Variants in DENND1B observed in about 807,000 individuals in gnomAD.
DENND1B encodes the protein DENN domain containing 1B.
In DENND1B, 59 loss-of-function variants were observed where a neutral mutation model predicts 90.1. The ratio of observed to expected loss-of-function variants is 0.65; its 90% confidence interval spans 0.53 to 0.81. The LOEUF is 0.81. Ranked by LOEUF, DENND1B falls within the 40% of genes least tolerant of loss-of-function variation. The probability of loss-of-function intolerance (pLI) is 0.00; values close to 1 mark genes in which losing one functional copy is unlikely to be tolerated. For missense variants in DENND1B, 862 were observed against 912.6 expected (o/e 0.94, Z 0.71); for synonymous variants, 337 against 324.6 (o/e 1.04, Z -0.41).
chr1:197,535,383 C>T (rs186302097), intron 20 of DENND1B, among the ~76,000 whole-genome samples: 189 of 152,242 alleles, frequency 1.2e-3, no homozygotes, highest in African/African-American at 4.5e-3. Flanking sequence ...ACAGTTAGTA[C>T]CAAACCCTAT....
chr1:197,595,240 C>A lies in DENND1B; in HGVS notation c.1015G>T (p.Gly339Ter). The change falls in exon 14 of 23, where the codon GGA (glycine) becomes TGA (stop). Residue 339 changes from glycine (G) to a stop codon, truncating the protein, a stop_gained. Transcript: ENST00000620048. LOFTEE classifies it high-confidence loss of function. ...AFLRAQAALF[G>*]SYRDALRYKP... The stretch of plus-strand genomic sequence containing the variant: ...TATCTCAGTGCATCTCTGTAGGATC[C>A]AAACAAAGCAGCCTGTGCTCTAAGA... 6.2e-7 allele frequency: 1 copy of A among 1,613,174 alleles called. No individual in the cohort carries two copies. Among genetic ancestry groups the A allele is most frequent in the Non-Finnish European group, 8.5e-7 (1 of 1,179,392 alleles).
chr1:197,642,962 T>C, intron 9 of DENND1B, 141 bp from the exon 10 acceptor site: 1 of 573,476 alleles, frequency 1.7e-6, no homozygotes, highest in Non-Finnish European at 3.1e-6. Flanking sequence ...TTAAGTGTAA[T>C]ACTAGTCGGC....
At chr1:197,531,051 T>C (rs1313546250) in intron 20 of DENND1B, among the ~76,000 whole-genome samples, 2 of 152,214 alleles carry the variant, frequency 1.3e-5, no homozygotes, top group Non-Finnish European at 2.9e-5. Flanking sequence ...CTGCTATTTA[T>C]TACTTGTAGA....
At chr1:197,652,780 AT>A (rs1001759405) in intron 6 of DENND1B, among the ~76,000 whole-genome samples, 9 of 152,100 alleles carry the variant, frequency 5.9e-5, no homozygotes, top group African/African-American at 1.9e-4. Context: ...TGTAGAGGTT[AT>A]TCTAAATATT....
At chr1:197,636,842 TG>T (rs1260811325) in intron 10 of DENND1B, among the ~76,000 whole-genome samples, 1 of 151,870 alleles carries the variant, frequency 6.6e-6, no homozygotes, top group Non-Finnish European at 1.5e-5. Flanking sequence ...AGGATGTAGG[TG>T]GGGAAAACAG....
At chr1:197,701,986 G>A (rs930587915) in intron 3 of DENND1B, among the ~76,000 whole-genome samples, 3 of 152,020 alleles carry the variant, frequency 2.0e-5, no homozygotes, top group African/African-American at 7.2e-5. Flanking sequence ...TTGTGAGACC[G>A]TATGTCTATA....
intron 16 of DENND1B, among the ~76,000 whole-genome samples, chr1:197,548,857 AAAG>A (rs1416836470): frequency 1.3e-5 from 2 of 152,166 alleles, no homozygotes; most frequent in African/African-American, 4.8e-5. Flanking sequence ...GTATAGGGGC[AAAG>A]AAGAAGTCCC....
intron 15 of DENND1B, among the ~76,000 whole-genome samples, chr1:197,566,992 C>A (rs188025709): frequency 1.3e-5 from 2 of 151,868 alleles, no homozygotes; most frequent in Admixed American, 1.3e-4. Context: ...TAAATAAAGA[C>A]AGAAATAGTG....
intron 2 of DENND1B, among the ~76,000 whole-genome samples, chr1:197,719,624 C>G (rs1660970219): frequency 6.6e-6 from 1 of 152,130 alleles, no homozygotes; most frequent in Admixed American, 6.5e-5. Context: ...AGGCAGAGTT[C>G]TCAATATAGG....
chr1:197,625,007 T>C (rs975876092), intron 10 of DENND1B, among the ~76,000 whole-genome samples: 2 of 151,870 alleles, frequency 1.3e-5, no homozygotes, highest in African/African-American at 4.8e-5. Flanking sequence ...CCAAGAAATA[T>C]GGGACTATGT....
intron 3 of DENND1B, among the ~76,000 whole-genome samples, chr1:197,707,729 G>T (rs1418113455): frequency 6.7e-6 from 1 of 148,472 alleles, no homozygotes; most frequent in Non-Finnish European, 1.5e-5. Flanking sequence ...GAGGAGCCAA[G>T]ATGGCCGAAT....
chr1:197,512,539 A>G (rs1240294499), intron 21 of DENND1B, among the ~76,000 whole-genome samples: 2 of 151,610 alleles, frequency 1.3e-5, no homozygotes, highest in Admixed American at 6.6e-5. Context: ...TCTATTGACT[A>G]TTATCACCAT....
intron 10 of DENND1B, among the ~76,000 whole-genome samples, chr1:197,634,101 C>T (rs1269250914): frequency 1.3e-5 from 2 of 152,194 alleles, no homozygotes; most frequent in South Asian, 2.1e-4. Flanking sequence ...GTGCCCTCTC[C>T]ATTGGAGTCT....
chr1:197,553,847 G>A (rs1239645822), intron 15 of DENND1B, among the ~76,000 whole-genome samples: 2 of 151,994 alleles, frequency 1.3e-5, no homozygotes, highest in African/African-American at 4.8e-5. Flanking sequence ...GGTTATTTTA[G>A]GCAATATTTT....
intron 15 of DENND1B, among the ~76,000 whole-genome samples, chr1:197,560,037 T>C (rs755567773): frequency 2.6e-5 from 4 of 151,914 alleles, no homozygotes; most frequent in Non-Finnish European, 5.9e-5. Context: ...CATGGTATCA[T>C]GAACAGGAAA....
Position 197,546,750 on chromosome 1 carries a change from A to G in DENND1B, c.1264T>C (p.Trp422Arg), listed in dbSNP as rs1469959600. ...CGGNPRSYQQWVHTVKKGGAL... is the reference protein window; with the variant it reads ...CGGNPRSYQQRVHTVKKGGAL... ...ATGATTACCTTGACTGTATGCACCC[A>G]TTGTTGATATGACCTCGGGTTCCCT... The change falls in exon 17 of 23, where the codon TGG becomes CGG. Residue 422 changes from tryptophan to arginine, a missense_variant. Physicochemically the swap from Trp to Arg is moderately radical, Grantham distance 101. Coordinates refer to ENST00000620048, the MANE Select transcript of DENND1B (RefSeq NM_001195215.2). 1 of 1,546,974 alleles carries G rather than the reference A, an allele frequency of 6.5e-7. No individual in the cohort carries two copies. Among genetic ancestry groups the G allele is most frequent in the South Asian group, 1.2e-5 (1 of 82,422 alleles).
At chr1:197,590,753 T>A (rs1675126562) in intron 14 of DENND1B, among the ~76,000 whole-genome samples, 1 of 152,184 alleles carries the variant, frequency 6.6e-6, no homozygotes, top group Non-Finnish European at 1.5e-5. Flanking sequence ...CCACATCCAC[T>A]GGTTCCCCAG....
intron 3 of DENND1B, among the ~76,000 whole-genome samples, chr1:197,705,391 C>T (rs114588473): frequency 0.011 from 1,732 of 152,110 alleles, 38 homozygotes; most frequent in African/African-American, 0.04. Context: ...TTGTTGTAAA[C>T]TAGAATCCTA....
intron 6 of DENND1B, among the ~76,000 whole-genome samples, chr1:197,657,992 T>C (rs1654019441): frequency 6.6e-6 from 1 of 152,160 alleles, no homozygotes. Flanking sequence ...GCCAGTCACT[T>C]GGCAAATAAG....
Sources: gnomAD v4.1 joint callset for allele counts (sites outside exome capture counted in the v4.1 genomes callset) on GRCh38, gnomAD v4.1.1 for gene constraint, MANE v1.5 for transcripts, NCBI Gene and HGNC (gene_info 2026-07-23, HGNC 2026-07-21) for gene names.